PCDHA8: variants seen among roughly 807,000 people sequenced by gnomAD.
PCDHA8 encodes the protein protocadherin alpha 8, also known as protocadherin alpha-8.
A neutral mutation model predicts 61.8 loss-of-function variants in PCDHA8; 53 were observed. The observed-to-expected ratio is 0.86, with a 90% CI of 0.69 to 1.08. The LOEUF is 1.08. Among genes scored for constraint, PCDHA8 ranks in the 50% least tolerant of loss-of-function variants. The pLI, the probability that PCDHA8 is intolerant of heterozygous loss-of-function variation, is 0.00. For synonymous variants in PCDHA8, 618 were observed against 556.6 expected, an observed-to-expected ratio of 1.11 and a Z score of -1.55; for missense variants, 1,293 against 1,245.0, an observed-to-expected ratio of 1.04 and a Z score of -0.58.
chr5:140,841,317 T>A lies in PCDHA8; in HGVS notation c.-5T>A. ...ATATTTTCTGATAGGAAACGACTAT[T>A]TAACATGGATTATCACTGGCGAGGA... On this transcript the variant is annotated 5_prime_UTR_variant, in exon 1 of 4. Transcript: ENST00000531613. 1 of 1,600,298 alleles carries A rather than the reference T, an allele frequency of 6.2e-7. No homozygotes were observed. The highest frequency in any genetic ancestry group is 8.5e-7 in the Non-Finnish European group (1 of 1,173,158).
intron 1 of PCDHA8, among the ~76,000 whole-genome samples, chr5:140,921,904 T>A (rs1554200513): frequency 1.3e-5 from 2 of 151,968 alleles, no homozygotes; most frequent in African/African-American, 4.8e-5. Flanking sequence ...GATAAATATA[T>A]ATTACATGAT....
chr5:141,000,395 C>CTCTA (rs1213762225), intron 3 of PCDHA8, among the ~76,000 whole-genome samples: 16 of 53,972 alleles, frequency 3.0e-4, no homozygotes, highest in East Asian at 6.1e-4. Context: ...CTCTCTCTCT[C>CTCTA]TATATATATA....
intron 1 of PCDHA8, chr5:140,875,864 C>A (rs781972677): frequency 3.7e-6 from 6 of 1,614,168 alleles, no homozygotes; most frequent in Admixed American, 3.3e-5. Context: ...GACAACCCGC[C>A]GGTGTTCAGA....
At position 140,842,217 on chromosome 5, in the gene PCDHA8, C is replaced by T. The variant is rs145025203; in HGVS notation, c.896C>T (p.Thr299Met). The T allele has an allele frequency of 6.2e-7, 1 of 1,613,264 alleles. No homozygotes were observed. Among genetic ancestry groups the T allele is most frequent in the South Asian group, 1.1e-5 (1 of 91,026 alleles). The change falls in exon 1 of 4, where the codon ACG (threonine) becomes ATG (methionine). Residue 299 changes from threonine to methionine, a missense_variant. Coordinates refer to ENST00000531613, the MANE Select transcript of PCDHA8 (RefSeq NM_018911.3). Reference sequence around the variant, plus strand: ...GACCACTTTAGCATAGATCGAAATACGGGAGAAATAGTGATTCGGGGTAAT... The same window carrying T: ...GACCACTTTAGCATAGATCGAAATATGGGAGAAATAGTGATTCGGGGTAAT... ...VIDHFSIDRN[T>M]GEIVIRGNLD...
At chr5:140,899,814 G>A (rs1212568701) in intron 1 of PCDHA8, among the ~76,000 whole-genome samples, 8 of 152,012 alleles carry the variant, frequency 5.3e-5, no homozygotes, top group African/African-American at 7.2e-5. Flanking sequence ...ATTTTGTTTT[G>A]TTTTTCCTTT....
intron 1 of PCDHA8, chr5:140,927,810 G>C: frequency 6.2e-7 from 1 of 1,614,200 alleles, no homozygotes. Flanking sequence ...AAACGCTCTT[G>C]GAGGCATACA....
At chr5:140,878,153 A>G (rs554763085) in intron 1 of PCDHA8, 21 of 178,230 alleles carry the variant, frequency 1.2e-4, no homozygotes, top group Non-Finnish European at 2.3e-4. Context: ...TGATAACTTA[A>G]AAATTTAATT....
At position 140,968,504 on chromosome 5, in the gene PCDHA8, C is replaced by T. The variant is rs147528189; in HGVS notation, c.2395-10445C>T. 58 of 1,614,064 alleles carry T rather than the reference C, an allele frequency of 3.6e-5. No individual in the cohort carries two copies. In the African/African-American group the frequency reaches 6.7e-4, roughly 19 times the overall value. ...CATGAATGACCATGCCCCTCACATT[C>T]TGTACCCTACCTCAACCAACTCGTC... On this transcript the variant is annotated intron_variant, in intron 1 of 3. Transcript: ENST00000531613.
chr5:140,850,264 T>C (rs2150476504), intron 1 of PCDHA8: 2 of 1,594,136 alleles, frequency 1.3e-6, no homozygotes, highest in Admixed American at 1.7e-5. Flanking sequence ...GCCGGCGTAG[T>C]GGTGGGGAAG....
At chr5:140,902,677 G>A (rs1457054226) in intron 1 of PCDHA8, among the ~76,000 whole-genome samples, 6 of 151,960 alleles carry the variant, frequency 3.9e-5, no homozygotes, top group Non-Finnish European at 5.9e-5. Flanking sequence ...AGTGTACACC[G>A]TACCTAATAT....
intron 1 of PCDHA8, among the ~76,000 whole-genome samples, chr5:140,873,038 G>A (rs1304592086): frequency 1.3e-5 from 2 of 152,120 alleles, no homozygotes; most frequent in Admixed American, 6.5e-5. Context: ...CACGTAGAGT[G>A]GTGGTATTAC....
intron 1 of PCDHA8, chr5:140,852,675 C>G: frequency 3.1e-6 from 3 of 968,904 alleles, no homozygotes; most frequent in Non-Finnish European, 3.7e-6. Context: ...CACAACTCAC[C>G]TTGAATATAG....
intron 1 of PCDHA8, chr5:140,857,767 C>T: frequency 6.3e-7 from 1 of 1,597,458 alleles, no homozygotes; most frequent in Non-Finnish European, 8.6e-7. Context: ...GCAGCGCGGG[C>T]GGTGCAGTCA....
At chr5:140,918,263 G>A (rs2078602453) in intron 1 of PCDHA8, among the ~76,000 whole-genome samples, 1 of 152,214 alleles carries the variant, frequency 6.6e-6, no homozygotes, top group East Asian at 1.9e-4. Context: ...TTTGCTGGAG[G>A]TTTTATCAGA....
intron 1 of PCDHA8, chr5:140,876,199 G>A (rs1343468592): frequency 6.2e-7 from 1 of 1,613,822 alleles, no homozygotes; most frequent in African/African-American, 1.3e-5. Context: ...TCCGGCGTTT[G>A]ATAAGCCCAG....
intron 3 of PCDHA8, among the ~76,000 whole-genome samples, chr5:141,003,429 A>G (rs782300910): frequency 6.6e-5 from 10 of 152,138 alleles, no homozygotes; most frequent in Non-Finnish European, 1.3e-4. Flanking sequence ...CTTATGCCTC[A>G]GCCTCCCAAG....
chr5:140,884,500 G>C (rs782378726), intron 1 of PCDHA8: 10 of 1,614,004 alleles, frequency 6.2e-6, no homozygotes, highest in Admixed American at 3.3e-5. Flanking sequence ...GCTCCAGCGC[G>C]GCAGGGAGTT....
chr5:140,903,124 T>C (rs1554190771), intron 1 of PCDHA8, among the ~76,000 whole-genome samples: 1 of 152,234 alleles, frequency 6.6e-6, no homozygotes, highest in Non-Finnish European at 1.5e-5. Context: ...TCTAAATCTT[T>C]AAGAAATCTC....
At chr5:141,005,304 A>G (rs2098205361) in intron 3 of PCDHA8, among the ~76,000 whole-genome samples, 1 of 152,200 alleles carries the variant, frequency 6.6e-6, no homozygotes, top group Non-Finnish European at 1.5e-5. Context: ...GCCTTTGTGA[A>G]TCTTACAGTG....
Sources: gnomAD v4.1 joint callset for allele counts (sites outside exome capture counted in the v4.1 genomes callset) on GRCh38, gnomAD v4.1.1 for gene constraint, MANE v1.5 for transcripts, NCBI Gene and HGNC (gene_info 2026-07-23, HGNC 2026-07-21) for gene names.